FAF1: variants seen among roughly 807,000 people sequenced by gnomAD.
FAF1 encodes the protein FAS-associated factor 1.
A neutral mutation model predicts 92.5 loss-of-function variants in FAF1; 25 were observed. The ratio of observed to expected loss-of-function variants is 0.27; its 90% CI spans 0.20 to 0.38. FAF1 has a LOEUF of 0.38. FAF1 is among the 10% of genes least tolerant of loss of function. The pLI is 1.00. For synonymous variants in FAF1, 234 were observed against 273.2 expected (o/e 0.86, Z 1.42); for missense variants, 636 against 793.3 (o/e 0.80, Z 2.38).
At chr1:50,492,021 T>C (rs533395343) in intron 15 of FAF1, among the ~76,000 whole-genome samples, 1 of 152,322 alleles carries the variant, frequency 6.6e-6, no homozygotes, top group East Asian at 1.9e-4. Context: ...CTACAAACTG[T>C]GTGACCTTGT....
intron 1 of FAF1, among the ~76,000 whole-genome samples, chr1:50,941,728 A>C (rs1327527439): frequency 6.6e-6 from 1 of 152,200 alleles, no homozygotes; most frequent in Non-Finnish European, 1.5e-5. Flanking sequence ...TTTTTCCACA[A>C]CTGTGGGCAT....
chr1:50,476,131 T>G (rs1365649779), intron 17 of FAF1, among the ~76,000 whole-genome samples: 14 of 152,194 alleles, frequency 9.2e-5, no homozygotes, highest in Admixed American at 9.2e-4. Context: ...TTATTATGTT[T>G]ATGTCAAAAT....
intron 2 of FAF1, among the ~76,000 whole-genome samples, chr1:50,815,143 A>G (rs980358321): frequency 1.3e-5 from 2 of 152,148 alleles, no homozygotes; most frequent in Non-Finnish European, 2.9e-5. Context: ...TTACATGGCT[A>G]TATTGCATGA....
At chr1:50,858,310 G>T (rs1343109380) in intron 1 of FAF1, among the ~76,000 whole-genome samples, 1 of 151,638 alleles carries the variant, frequency 6.6e-6, no homozygotes, top group Non-Finnish European at 1.5e-5. Context: ...GATTCTCATG[G>T]GCAACCACAT....
At chr1:50,517,695 C>T (rs576646903) in intron 15 of FAF1, among the ~76,000 whole-genome samples, 9 of 152,248 alleles carry the variant, frequency 5.9e-5, no homozygotes, top group Non-Finnish European at 1.2e-4. Flanking sequence ...TTGTGCAATC[C>T]CAACTGTTGT....
intron 6 of FAF1, among the ~76,000 whole-genome samples, chr1:50,706,357 C>A (rs1357259522): frequency 6.6e-6 from 1 of 152,124 alleles, no homozygotes; most frequent in Admixed American, 6.5e-5. Context: ...ATATTGAAAT[C>A]TACAGAACTT....
chr1:50,886,794 T>C (rs1644669708), intron 1 of FAF1, among the ~76,000 whole-genome samples: 1 of 152,222 alleles, frequency 6.6e-6, no homozygotes, highest in African/African-American at 2.4e-5. Flanking sequence ...GACATTTAGG[T>C]TGGTTCCAAG....
intron 17 of FAF1, among the ~76,000 whole-genome samples, chr1:50,483,303 AATT>A (rs1472786743): frequency 1.3e-5 from 2 of 152,148 alleles, no homozygotes; most frequent in Non-Finnish European, 2.9e-5. Context: ...GTTGAAAATC[AATT>A]GACCATATAT....
At chr1:50,865,893 G>A (rs192436199) in intron 1 of FAF1, among the ~76,000 whole-genome samples, 7 of 142,766 alleles carry the variant, frequency 4.9e-5, no homozygotes, top group Non-Finnish European at 9.4e-5. Flanking sequence ...GACCATTACC[G>A]AGATTAACCA....
chr1:50,788,322 T>C (rs1661438188), intron 3 of FAF1, 117 bp from the exon 4 acceptor site: 1 of 831,350 alleles, frequency 1.2e-6, no homozygotes, highest in Non-Finnish European at 1.9e-6. Flanking sequence ...TTTACCTACA[T>C]GTGTGTCAAG....
intron 1 of FAF1, among the ~76,000 whole-genome samples, chr1:50,898,096 A>G (rs1471914818): frequency 6.6e-6 from 1 of 152,218 alleles, no homozygotes; most frequent in Non-Finnish European, 1.5e-5. Flanking sequence ...TGTTTGCTAC[A>G]CAGCAACAGC....
chr1:50,655,312 G>T, intron 8 of FAF1, 130 bp downstream of exon 8: 1 of 716,346 alleles, frequency 1.4e-6, no homozygotes, highest in Non-Finnish European at 2.5e-6. Flanking sequence ...ATGAGCCACC[G>T]TGCCTGGCTA....
chr1:50,736,021 C>T lies in FAF1; in HGVS notation c.551+2842G>A, dbSNP rs137963015. Among the ~76,000 whole-genome samples, 674 of 152,210 alleles carry T rather than the reference C, an allele frequency of 4.4e-3. 8 individuals carry two copies. The highest frequency in any genetic ancestry group is 0.015 in the African/African-American group (611 of 41,532). On this transcript the variant is annotated intron_variant, in intron 6 of 18. Coordinates refer to ENST00000396153, the MANE Select transcript of FAF1 (RefSeq NM_007051.3). ...GGCATAAGCTACGGTGCCCGGCCAACATGTTATTTTATATCTACATTATAT... is the reference window on the plus strand; with the variant it reads ...GGCATAAGCTACGGTGCCCGGCCAATATGTTATTTTATATCTACATTATAT...
At chr1:50,785,761 T>C (rs1182617415) in intron 4 of FAF1, among the ~76,000 whole-genome samples, 1 of 152,172 alleles carries the variant, frequency 6.6e-6, no homozygotes, top group Admixed American at 6.6e-5. Flanking sequence ...TAAATTAAAC[T>C]ACCATCTAAT....
Position 50,456,248 on chromosome 1 carries a change from C to T in FAF1, c.1870-14725G>A, listed in dbSNP as rs111810195. ...GCAGGGACTACACTGCAGGCTTGTG[C>T]CACCCACAATCTTCTAAGAATGTCT... On this transcript the variant is annotated intron_variant, in intron 18 of 18. Coordinates refer to ENST00000396153, the MANE Select transcript of FAF1 (RefSeq NM_007051.3). Among the ~76,000 whole-genome samples the T allele has an allele frequency of 1.3e-3, 195 of 152,180 alleles. 1 individual carries two copies. Among genetic ancestry groups the T allele is most frequent in the African/African-American group, 4.4e-3 (182 of 41,526 alleles).
At chr1:50,627,777 A>T (rs920817397) in intron 8 of FAF1, among the ~76,000 whole-genome samples, 1 of 152,178 alleles carries the variant, frequency 6.6e-6, no homozygotes, top group Non-Finnish European at 1.5e-5. Context: ...ACTTTTAAAA[A>T]TTCATCAAAT....
intron 15 of FAF1, among the ~76,000 whole-genome samples, chr1:50,519,463 G>GA (rs1372269347): frequency 1.3e-5 from 2 of 149,886 alleles, no homozygotes; most frequent in Admixed American, 6.6e-5. Context: ...GGGAGGGAAG[G>GA]AAGGAAGGAA....
At chr1:50,707,479 G>A (rs960021669) in intron 6 of FAF1, among the ~76,000 whole-genome samples, 2 of 152,082 alleles carry the variant, frequency 1.3e-5, no homozygotes, top group Non-Finnish European at 2.9e-5. Context: ...CGGGTGGATT[G>A]CCTGGACTCA....
chr1:50,451,191 G>A (rs2148979882), intron 18 of FAF1, among the ~76,000 whole-genome samples: 1 of 152,324 alleles, frequency 6.6e-6, no homozygotes, highest in South Asian at 2.1e-4. Context: ...AGGTGGGAAA[G>A]AGAGAATGAA....
Sources: allele counts gnomAD v4.1 joint callset (sites outside exome capture counted in the v4.1 genomes callset), GRCh38; gene constraint gnomAD v4.1.1; transcripts MANE v1.5; gene names NCBI Gene and HGNC (gene_info 2026-07-23, HGNC 2026-07-21).